NR1D1: variants seen among roughly 807,000 people sequenced by gnomAD.
The protein encoded by NR1D1 is nuclear receptor subfamily 1 group D member 1, also known as Rev-ErbAalpha.
NR1D1 carries 17 observed loss-of-function variants against 51.1 expected under a neutral mutation model. The observed-to-expected ratio is 0.33, with a 90% CI of 0.23 to 0.50. The LOEUF is 0.50. Among genes scored for constraint, NR1D1 ranks in the 20% least tolerant of loss-of-function variants. The pLI, the probability that NR1D1 is intolerant of heterozygous loss-of-function variation, is 0.98. For missense variants in NR1D1, 647 were observed against 830.4 expected, an observed-to-expected ratio of 0.78 and a Z score of 2.71; for synonymous variants, 341 against 333.4, an observed-to-expected ratio of 1.02 and a Z score of -0.25.
At chr17:40,099,088 G>A (rs943267061) in intron 1 of NR1D1, among the ~76,000 whole-genome samples, 5 of 147,052 alleles carry the variant, frequency 3.4e-5, no homozygotes, top group African/African-American at 1.2e-4. Context: ...CCCAGATCTC[G>A]GCGGGGCGGG....
chr17:40,098,247 A>G (rs1598403770), intron 1 of NR1D1, among the ~76,000 whole-genome samples: 1 of 152,312 alleles, frequency 6.6e-6, no homozygotes, highest in Admixed American at 6.5e-5. Flanking sequence ...TCCGGCAAGC[A>G]CCTAGATTGG....
chr17:40,095,636 G>C lies in NR1D1; in HGVS notation c.1056C>G (p.Asn352Lys), dbSNP rs767317166. 2 of 1,612,152 alleles carry C rather than the reference G, an allele frequency of 1.2e-6. No homozygotes were observed. Among genetic ancestry groups the C allele is most frequent in the Non-Finnish European group, 1.7e-6 (2 of 1,178,764 alleles). ...DNNTLAAQRH[N>K]EALNGLRQAP... is the part of the protein sequence containing the mutation. Reference sequence around the variant, plus strand: ...CCTGGCGCAGACCATTTAGGGCCTCGTTATGACGCTGGGCAGCCAAGGTGT... The same window carrying C: ...CCTGGCGCAGACCATTTAGGGCCTCCTTATGACGCTGGGCAGCCAAGGTGT... Residue 352 changes from asparagine (N) to lysine (K), a missense_variant, in exon 5 of 8, where the codon AAC (asparagine) becomes AAG (lysine). Coordinates refer to ENST00000246672, the MANE Select transcript of NR1D1 (RefSeq NM_021724.5).
chr17:40,093,308 G>A lies in NR1D1; in HGVS notation c.1646-26C>T, dbSNP rs374743711. Reference sequence around the variant, plus strand: ...CTGTGGGGAAGACGACAGCAGTGAGGCGGACTCCCCGAGCTCCTCTGAGGA... The same window carrying A: ...CTGTGGGGAAGACGACAGCAGTGAGACGGACTCCCCGAGCTCCTCTGAGGA... On this transcript the variant is annotated intron_variant, in intron 7 of 7. Coordinates refer to ENST00000246672, the MANE Select transcript of NR1D1 (RefSeq NM_021724.5). This position sits in a 1 kb window ranked among gnomAD's most constrained non-coding sequence, Gnocchi z 5.9. 4.3e-6 allele frequency: 7 copies of A among 1,613,336 alleles called. No individual in the cohort carries two copies. Among genetic ancestry groups the A allele is most frequent in the African/African-American group, 4.0e-5 (3 of 74,932 alleles).
rs1450897359 is a variant in NR1D1 at position 40,097,152 on chromosome 17, A to T, written c.283T>A (p.Tyr95Asn). ...AGACTCCCAGGGGGGCTCCCATTATAGAAGGAGGAGGAGGATGACGACGAG... is the reference window on the plus strand; with the variant it reads ...AGACTCCCAGGGGGGCTCCCATTATTGAAGGAGGAGGAGGATGACGACGAG... ...SSSSSSSSSF[Y>N]NGSPPGSLQV... Residue 95 changes from tyrosine (Y) to asparagine (N), a missense_variant, in exon 2 of 8, where the codon TAT becomes AAT. Transcript: ENST00000246672. The T allele has an allele frequency of 5.6e-6, 9 of 1,611,426 alleles. No individual in the cohort carries two copies. Among genetic ancestry groups the T allele is most frequent in the Non-Finnish European group, 7.6e-6 (9 of 1,178,664 alleles).
chr17:40,094,819 AC>A, intron 6 of NR1D1, 115 bp downstream of exon 6: 1 of 941,738 alleles, frequency 1.1e-6, no homozygotes, highest in Non-Finnish European at 1.6e-6. Context: ...AATTGCTTGA[AC>A]CCAGGAGGTG....
At position 40,100,223 on chromosome 17, in the gene NR1D1, C is replaced by T. The variant is rs971336596; in HGVS notation, c.-129G>A. On this transcript the variant is annotated 5_prime_UTR_variant, in exon 1 of 8. Transcript: ENST00000246672. ...GACCCCGCGACTCACGATCAGGATC[C>T]GAAGCACCCTGCAGCAAGGTCTTGG... 10 of 759,412 alleles carry T rather than the reference C, an allele frequency of 1.3e-5. No individual in the cohort carries two copies. The highest frequency in any genetic ancestry group is 1.7e-5 in the African/African-American group (1 of 58,838). 47.0% of individuals were successfully genotyped at this position (759,412 alleles called of 1,614,324 possible). A position where few individuals can be genotyped will look rare whatever the true frequency, so the allele number is the denominator to read the frequency against.
At chr17:40,097,858 T>G (rs1388815925) in intron 1 of NR1D1, among the ~76,000 whole-genome samples, 4 of 152,018 alleles carry the variant, frequency 2.6e-5, no homozygotes, top group Admixed American at 6.6e-5. Context: ...CATGGAGAGA[T>G]AGGTAGCCAA....
In NR1D1 at chr17:40,093,295, C is replaced by T. The variant is rs149579879; in HGVS notation, c.1646-13G>A. The stretch of plus-strand genomic sequence containing the variant: ...ATGCCCGAGCGGTCTGTGGGGAAGA[C>T]GACAGCAGTGAGGCGGACTCCCCGA... On this transcript the variant is annotated splice_polypyrimidine_tract_variant and intron_variant, in intron 7 of 7. Transcript: ENST00000246672. This position sits in a 1 kb window ranked among gnomAD's most constrained non-coding sequence, Gnocchi z 5.9. 399 of 1,613,554 alleles carry T rather than the reference C, an allele frequency of 2.5e-4. 1 individual carries two copies. The highest frequency in any genetic ancestry group is 3.3e-4 in the Middle Eastern group (2 of 6,060).
At chr17:40,096,326 C>G in intron 4 of NR1D1, 117 bp downstream of exon 4, 1 of 1,415,734 alleles carries the variant, frequency 7.1e-7, no homozygotes, top group African/African-American at 2.1e-5. Flanking sequence ...ATGGACATCC[C>G]CTGGCACATG....
chr17:40,100,044 T>C lies in NR1D1; in HGVS notation c.31+20A>G. On this transcript the variant is annotated intron_variant, in intron 1 of 7. Transcript: ENST00000246672. ...GGAGACAGTGACAGGGAAAAGATGA[T>C]AGTAAAGAAATCTCAGTACCTGTGT... 1.3e-6 allele frequency: 2 copies of C among 1,576,566 alleles called. No homozygotes were observed. The highest frequency in any genetic ancestry group is 1.7e-6 in the Non-Finnish European group (2 of 1,145,820).
At position 40,095,841 on chromosome 17, in the gene NR1D1, G is replaced by A; in HGVS notation, c.851C>T (p.Thr284Ile). The change falls in exon 5 of 8, where the codon ACA becomes ATA. Residue 284 changes from threonine (T) to isoleucine (I), a missense_variant. Physicochemically the swap from Thr to Ile is moderately conservative, Grantham distance 89 (BLOSUM62 -1). Transcript: ENST00000246672. ...CACCTGGGATATCACATCCTCCACT[G>A]TGGGCTCAGGGCTTGGGGATCTGGG... ...TPPRSPSPEP[T>I]VEDVISQVAR... 6.2e-7 allele frequency: 1 copy of A among 1,614,044 alleles called. No individual in the cohort carries two copies. The highest frequency in any genetic ancestry group is 8.5e-7 in the Non-Finnish European group (1 of 1,180,002).
At chr17:40,094,512 C>CTA (rs900547667) in intron 6 of NR1D1, among the ~76,000 whole-genome samples, 30 of 152,226 alleles carry the variant, frequency 2.0e-4, no homozygotes, top group Admixed American at 1.9e-3. Flanking sequence ...ACCAATCAGG[C>CTA]TATAAGGACA....
intron 6 of NR1D1, 74 bp from the exon 7 acceptor site, chr17:40,094,196 A>G (rs1281736596): frequency 1.4e-6 from 2 of 1,410,754 alleles, no homozygotes; most frequent in Non-Finnish European, 1.0e-6. Context: ...GTAGTTTGCC[A>G]GAGGGTTTAG....
In NR1D1 at chr17:40,100,358, C is replaced by A; in HGVS notation, c.-264G>T. Reference sequence around the variant, plus strand: ...TAGGGGGAATCAGCCTGCAGTAGTTCTGGCTAGAAGGTAGCAAGGAGGGTC... The same window carrying A: ...TAGGGGGAATCAGCCTGCAGTAGTTATGGCTAGAAGGTAGCAAGGAGGGTC... On this transcript the variant is annotated 5_prime_UTR_variant, in exon 1 of 8. Coordinates refer to ENST00000246672, the MANE Select transcript of NR1D1 (RefSeq NM_021724.5). 1 of 596,920 alleles carries A rather than the reference C, an allele frequency of 1.7e-6. No homozygotes were observed. The allele number at this position is 596,920 out of a possible 1,614,324, so 37.0% of individuals were successfully genotyped here. A position where few individuals can be genotyped will look rare whatever the true frequency, so the allele number is the denominator to read the frequency against.
intron 1 of NR1D1, among the ~76,000 whole-genome samples, chr17:40,098,371 G>A (rs1357946150): frequency 2.0e-5 from 3 of 152,218 alleles, no homozygotes. Context: ...GACACACACT[G>A]AACTGGGCAG....
chr17:40,095,373 C>T (rs1807492117), intron 5 of NR1D1, 71 bp downstream of exon 5: 14 of 1,500,422 alleles, frequency 9.3e-6, no homozygotes, highest in East Asian at 6.9e-5. Flanking sequence ...CCCCCAGCTG[C>T]CCTACACTAA....
intron 6 of NR1D1, among the ~76,000 whole-genome samples, 195 bp downstream of exon 6, chr17:40,094,740 A>G (rs747275784): frequency 5.3e-5 from 8 of 152,228 alleles, no homozygotes; most frequent in Non-Finnish European, 8.8e-5. Context: ...TCTAATAAAA[A>G]TATAAAAATT....
chr17:40,093,061 G>A lies in NR1D1; in HGVS notation c.*22C>T, dbSNP rs1190092824. On this transcript the variant is annotated 3_prime_UTR_variant, in exon 8 of 8. Transcript: ENST00000246672. This position sits in a 1 kb window ranked among gnomAD's most constrained non-coding sequence, Gnocchi z 5.9. The stretch of plus-strand genomic sequence containing the variant: ...GTTCGATTCTGTACAAGGGGGCAGC[G>A]GCAGAAGGCCGGCCGGGCGGGTCAC... 4.3e-6 allele frequency: 7 copies of A among 1,614,160 alleles called. No individual in the cohort carries two copies. The highest frequency in any genetic ancestry group is 5.1e-6 in the Non-Finnish European group (6 of 1,180,030).
In NR1D1 at chr17:40,093,193, G is replaced by A; in HGVS notation, c.1735C>T (p.Pro579Ser). The A allele has an allele frequency of 1.9e-6, 3 of 1,613,854 alleles. No homozygotes were observed. The highest frequency in any genetic ancestry group is 2.5e-6 in the Non-Finnish European group (3 of 1,180,026). The change falls in exon 8 of 8, where the codon CCC becomes TCC. Residue 579 changes from proline to serine, a missense_variant. Around this residue, in one of 7 missense-constraint regions of NR1D1, gnomAD observed 155 missense variants for 236.8 expected, o/e 0.65. Coordinates refer to ENST00000246672, the MANE Select transcript of NR1D1 (RefSeq NM_021724.5). This position sits in a 1 kb window ranked among gnomAD's most constrained non-coding sequence, Gnocchi z 5.9. The stretch of plus-strand genomic sequence containing the variant: ...TTGGTGAAGCGGGAAGTCTCCAAGG[G>A]CCGGTTCTTCAGCACCAGAGCCCGA... Reference protein sequence around the residue: ...ALRALVLKNRPLETSRFTKLL... With the variant: ...ALRALVLKNRSLETSRFTKLL...
Sources: gnomAD v4.1 joint callset for allele counts (sites outside exome capture counted in the v4.1 genomes callset) on GRCh38, gnomAD v4.1.1 for gene constraint, gnomAD v4.1.1 regional missense constraint, Gnocchi (gnomAD v3.1) non-coding constraint, MANE v1.5 for transcripts, NCBI Gene and HGNC (gene_info 2026-07-23, HGNC 2026-07-21) for gene names.